PVT1: variants seen among roughly 807,000 people sequenced by gnomAD.
The protein encoded by PVT1 is Pvt1 oncogene, also known as CXCR4/PVT1 fusion.
intron 3 of PVT1, among the ~76,000 whole-genome samples, chr8:127,985,233 C>T (rs865833704): frequency 2.0e-5 from 3 of 151,674 alleles, no homozygotes; most frequent in East Asian, 1.9e-4. Context: ...AGGGTTTCAC[C>T]ATCTTGGCCA....
chr8:127,910,990 G>T, intron 3 of PVT1, among the ~76,000 whole-genome samples: 1 of 152,086 alleles, frequency 6.6e-6, no homozygotes. Flanking sequence ...CTGTGCTACA[G>T]TCTTGGTGGG....
intron 4 of PVT1, among the ~76,000 whole-genome samples, chr8:127,995,904 CTT>C (rs36001555): frequency 5.3e-5 from 8 of 150,824 alleles, no homozygotes; most frequent in African/African-American, 7.3e-5. Context: ...TTCAAATGTC[CTT>C]TTTTTTTTTA....
intron 2 of PVT1, among the ~76,000 whole-genome samples, chr8:127,875,971 G>A (rs140177345): frequency 5.9e-4 from 90 of 152,312 alleles, no homozygotes; most frequent in African/African-American, 2.1e-3. Flanking sequence ...GGGTTTCTCT[G>A]GGGAGTTCTG....
chr8:127,932,284 A>G (rs565134187), intron 3 of PVT1, among the ~76,000 whole-genome samples: 2 of 152,118 alleles, frequency 1.3e-5, no homozygotes, highest in Non-Finnish European at 2.9e-5. Flanking sequence ...CTCCTCTCCC[A>G]TTACTAACGG....
intron 2 of PVT1, chr8:127,851,987 G>T (rs1446221600): frequency 6.6e-6 from 1 of 152,244 alleles, no homozygotes; most frequent in Non-Finnish European, 1.5e-5. Context: ...ATCTCCAAGG[G>T]CTGCAGCTCA....
intron 4 of PVT1, among the ~76,000 whole-genome samples, chr8:128,002,451 C>T (rs4733823): frequency 0.47 from 71,432 of 152,070 alleles, 16,918 homozygotes; most frequent in East Asian, 0.59. Context: ...ACTAGGTTGC[C>T]CAAAACAACA....
At chr8:127,839,556 A>T (rs1164591549) in intron 2 of PVT1, among the ~76,000 whole-genome samples, 3 of 150,656 alleles carry the variant, frequency 2.0e-5, no homozygotes, top group Admixed American at 6.6e-5. Flanking sequence ...TCTCAAAAAT[A>T]AAAAATAAAA....
At chr8:128,021,238 T>G (rs574591743) in intron 4 of PVT1, among the ~76,000 whole-genome samples, 55 of 149,510 alleles carry the variant, frequency 3.7e-4, no homozygotes, top group Non-Finnish European at 4.9e-4. Context: ...ATTCACAATC[T>G]CTACTGGGGA....
At chr8:128,024,553 G>A (rs1003524074) in intron 4 of PVT1, among the ~76,000 whole-genome samples, 11 of 152,124 alleles carry the variant, frequency 7.2e-5, no homozygotes, top group African/African-American at 2.7e-4. Flanking sequence ...CTGAGCCCAG[G>A]AAGGTCCAGG....
At chr8:127,951,198 CCT>C (rs1563648386) in intron 3 of PVT1, among the ~76,000 whole-genome samples, 1 of 152,178 alleles carries the variant, frequency 6.6e-6, no homozygotes, top group Non-Finnish European at 1.5e-5. Flanking sequence ...ACCCTGTGCC[CCT>C]GTCTTACTGA....
chr8:128,052,159 G>T (rs560695703), intron 4 of PVT1, among the ~76,000 whole-genome samples: 3 of 152,164 alleles, frequency 2.0e-5, no homozygotes, highest in African/African-American at 7.2e-5. Context: ...ATTCTTAAGC[G>T]GGCTGGCCTG....
chr8:128,004,127 A>G (rs958847697), intron 4 of PVT1, among the ~76,000 whole-genome samples: 4 of 152,198 alleles, frequency 2.6e-5, no homozygotes, highest in Non-Finnish European at 5.9e-5. Context: ...TCTATCTCCA[A>G]TAAAGTCACC....
intron 3 of PVT1, among the ~76,000 whole-genome samples, chr8:127,899,736 C>A (rs1264251228): frequency 6.6e-6 from 1 of 152,166 alleles, no homozygotes. Flanking sequence ...GCTGCTGAGG[C>A]ACCGGTGGAG....
chr8:127,982,913 G>A (rs2129982637), intron 3 of PVT1, among the ~76,000 whole-genome samples: 1 of 152,304 alleles, frequency 6.6e-6, no homozygotes, highest in South Asian at 2.1e-4. Context: ...GTGTGTCCAT[G>A]AGTACATCTA....
At chr8:128,011,998 A>C (rs7012818) in intron 4 of PVT1, among the ~76,000 whole-genome samples, 99,940 of 152,028 alleles carry the variant, frequency 0.66, 33,390 homozygotes, top group African/African-American at 0.77. Context: ...CCATAAGGTC[A>C]CTTAGTCTTT....
intron 2 of PVT1, among the ~76,000 whole-genome samples, chr8:127,809,968 C>A (rs1406144522): frequency 6.6e-6 from 1 of 152,264 alleles, no homozygotes; most frequent in Non-Finnish European, 1.5e-5. Flanking sequence ...CCAGACCCAG[C>A]CGGTGGAGAC....
chr8:127,890,369 A>T (rs1457746305), intron 2 of PVT1, among the ~76,000 whole-genome samples: 2 of 152,216 alleles, frequency 1.3e-5, no homozygotes, highest in Non-Finnish European at 2.9e-5. Flanking sequence ...AGCAGCTGGC[A>T]GTTCCCTGTC....
intron 5 of PVT1, among the ~76,000 whole-genome samples, chr8:128,081,632 G>A (rs1258539191): frequency 1.3e-5 from 2 of 152,134 alleles, no homozygotes. Flanking sequence ...AAGCCTCTAA[G>A]CTTTCTGAGT....
At chr8:127,845,511 C>T (rs937599665) in intron 2 of PVT1, among the ~76,000 whole-genome samples, 4 of 150,942 alleles carry the variant, frequency 2.7e-5, no homozygotes, top group South Asian at 4.2e-4. Flanking sequence ...ACCCATCGTA[C>T]GCTGAAACAG....
Sources: allele counts gnomAD v4.1 joint callset (sites outside exome capture counted in the v4.1 genomes callset), GRCh38; gene constraint gnomAD v4.1.1; transcripts MANE v1.5; gene names NCBI Gene and HGNC (gene_info 2026-07-23, HGNC 2026-07-21).